FSHR: variants seen among roughly 807,000 people sequenced by gnomAD.
The protein encoded by FSHR is follicle stimulating hormone receptor.
In FSHR, 46 loss-of-function variants were observed where a neutral mutation model predicts 52.1. That is an observed-to-expected ratio of 0.88 (90% CI 0.70 to 1.13). The LOEUF is 1.13. FSHR is among the 50% of genes most tolerant of loss of function. The pLI is 0.00. For synonymous variants in FSHR, 399 were observed against 309.6 expected, an observed-to-expected ratio of 1.29 and a Z score of -3.03; for missense variants, 964 against 834.6, an observed-to-expected ratio of 1.16 and a Z score of -1.91.
intron 2 of FSHR, among the ~76,000 whole-genome samples, chr2:49,064,135 T>C (rs12622273): frequency 0.35 from 52,848 of 151,686 alleles, 9,843 homozygotes; most frequent in East Asian, 0.49. Flanking sequence ...TAATCAGTTA[T>C]GAATTTAGAA....
chr2:49,024,277 TAA>T (rs953411656), intron 2 of FSHR, among the ~76,000 whole-genome samples: 8 of 146,656 alleles, frequency 5.5e-5, no homozygotes, highest in African/African-American at 2.0e-4. Flanking sequence ...AAAGTAAAAT[TAA>T]AAAAAAAAAT....
chr2:49,118,157 G>C (rs951035216), intron 1 of FSHR, among the ~76,000 whole-genome samples: 2 of 152,134 alleles, frequency 1.3e-5, no homozygotes, highest in African/African-American at 4.8e-5. Flanking sequence ...TCCACTCCAA[G>C]GTGGTGGACT....
At chr2:48,990,353 C>T (rs748699787) in intron 5 of FSHR, among the ~76,000 whole-genome samples, 8 of 152,132 alleles carry the variant, frequency 5.3e-5, no homozygotes, top group Non-Finnish European at 1.2e-4. Context: ...GAACAATACT[C>T]TTATTGAAGG....
At chr2:49,016,206 G>A (rs1667485799) in intron 4 of FSHR, among the ~76,000 whole-genome samples, 1 of 152,094 alleles carries the variant, frequency 6.6e-6, no homozygotes, top group South Asian at 2.1e-4. Context: ...TACTATCAGA[G>A]GCGTAGTACA....
chr2:49,148,486 C>G (rs1400743004), intron 1 of FSHR, among the ~76,000 whole-genome samples: 1 of 152,034 alleles, frequency 6.6e-6, no homozygotes, highest in African/African-American at 2.4e-5. Context: ...ATCATTTGTA[C>G]TACCTGTAAT....
chr2:49,150,339 GT>G (rs199566615), intron 1 of FSHR, among the ~76,000 whole-genome samples: 2,001 of 152,142 alleles, frequency 0.013, 37 homozygotes, highest in African/African-American at 0.046. Flanking sequence ...CTACCTCAGA[GT>G]TATAAAGATC....
intron 1 of FSHR, among the ~76,000 whole-genome samples, chr2:49,114,107 C>T (rs2103760920): frequency 6.6e-6 from 1 of 152,210 alleles, no homozygotes; most frequent in East Asian, 1.9e-4. Flanking sequence ...CCAGAAAATC[C>T]ATCATCTTAC....
chr2:49,127,329 G>GAA (rs56891689), intron 1 of FSHR, among the ~76,000 whole-genome samples: 4 of 134,954 alleles, frequency 3.0e-5, no homozygotes, highest in Non-Finnish European at 4.9e-5. Context: ...CTTTGTCTAA[G>GAA]AAAAAAAAAA....
chr2:49,099,953 G>A (rs573635109), intron 1 of FSHR, among the ~76,000 whole-genome samples: 3 of 152,260 alleles, frequency 2.0e-5, no homozygotes, highest in South Asian at 4.1e-4. Context: ...ATAATGAGCA[G>A]TTGGCTGTAT....
intron 2 of FSHR, among the ~76,000 whole-genome samples, chr2:49,039,694 C>A (rs961423162): frequency 2.6e-5 from 4 of 152,132 alleles, no homozygotes; most frequent in Non-Finnish European, 4.4e-5. Context: ...TCTCTGAATT[C>A]TTCCTTGTCT....
At chr2:48,998,753 T>C (rs1676133556) in intron 4 of FSHR, among the ~76,000 whole-genome samples, 1 of 151,084 alleles carries the variant, frequency 6.6e-6, no homozygotes, top group Non-Finnish European at 1.5e-5. Flanking sequence ...TACAATGACC[T>C]CTTAAACTAA....
At chr2:49,106,488 G>T (rs1022293908) in intron 1 of FSHR, among the ~76,000 whole-genome samples, 1 of 152,118 alleles carries the variant, frequency 6.6e-6, no homozygotes, top group Non-Finnish European at 1.5e-5. Flanking sequence ...GGCTGGAGAT[G>T]GTTCCTGCCA....
intron 1 of FSHR, among the ~76,000 whole-genome samples, chr2:49,068,785 A>G (rs1379953896): frequency 2.0e-5 from 3 of 152,016 alleles, no homozygotes; most frequent in African/African-American, 4.8e-5. Context: ...CTTTATACAC[A>G]TTGCCTTCTC....
intron 1 of FSHR, among the ~76,000 whole-genome samples, chr2:49,143,053 G>GCA (rs891336877): frequency 3.3e-5 from 5 of 152,142 alleles, no homozygotes; most frequent in Non-Finnish European, 5.9e-5. Context: ...GTCAGAAATG[G>GCA]CACACATATT....
intron 4 of FSHR, among the ~76,000 whole-genome samples, chr2:49,013,487 TATATATATATATAA>T (rs1243919971): frequency 3.1e-5 from 2 of 63,896 alleles, no homozygotes; most frequent in African/African-American, 9.6e-5. Flanking sequence ...TATAAATAAA[TATATATATATATAA>T]ATATATATAT....
chr2:49,097,127 G>A (rs1670851893), intron 1 of FSHR, among the ~76,000 whole-genome samples: 1 of 152,112 alleles, frequency 6.6e-6, no homozygotes, highest in Non-Finnish European at 1.5e-5. Context: ...GGAATCCATG[G>A]TCATTTGCTT....
chr2:49,045,670 A>G (rs887127916), intron 2 of FSHR, among the ~76,000 whole-genome samples: 3 of 152,138 alleles, frequency 2.0e-5, no homozygotes, highest in African/African-American at 7.2e-5. Context: ...GATACACCTT[A>G]TTTGAGCATT....
chr2:49,064,109 A>G (rs972409479), intron 2 of FSHR, among the ~76,000 whole-genome samples: 32 of 151,312 alleles, frequency 2.1e-4, no homozygotes, highest in Non-Finnish European at 1.2e-4. Flanking sequence ...TGGTGGGGCA[A>G]ATATGGAAGA....
chr2:49,117,568 C>T (rs1671649916), intron 1 of FSHR, among the ~76,000 whole-genome samples: 1 of 151,970 alleles, frequency 6.6e-6, no homozygotes, highest in Non-Finnish European at 1.5e-5. Flanking sequence ...GGTTTTATTC[C>T]AGGTAAATGG....
Sources: allele counts gnomAD v4.1 joint callset (sites outside exome capture counted in the v4.1 genomes callset), GRCh38; gene constraint gnomAD v4.1.1; transcripts MANE v1.5; gene names NCBI Gene and HGNC (gene_info 2026-07-23, HGNC 2026-07-21).